Variants in MRE11 observed in about 807,000 individuals in gnomAD.
MRE11 encodes double-strand break repair protein MRE11.
MRE11 carries 62 observed loss-of-function variants against 91.7 expected under a neutral mutation model. The observed-to-expected ratio is 0.68, with a 90% CI of 0.55 to 0.84. The LOEUF (loss-of-function observed/expected upper bound fraction) is 0.84. Among genes scored for constraint, MRE11 ranks in the 40% least tolerant of loss-of-function variants. MRE11 has a pLI of 0.00. For missense variants in MRE11, 796 were observed against 852.9 expected (o/e 0.93, Z 0.83); for synonymous variants, 273 against 271.4 (o/e 1.01, Z -0.06).
At chr11:94,492,654 CTAA>C (rs762060788) in intron 2 of MRE11, 125 bp downstream of exon 2, 1 of 1,401,714 alleles carries the variant, frequency 7.1e-7, no homozygotes, top group East Asian at 2.3e-5. Flanking sequence ...TTTTTGATGA[CTAA>C]TATTTCTGTT....
rs1462176597 is a variant in MRE11 at position 94,447,446 on chromosome 11, G to A, written c.1564-8C>T. On this transcript the variant is annotated splice_polypyrimidine_tract_variant and splice_region_variant and intron_variant, in intron 14 of 19. Coordinates refer to ENST00000323929, the MANE Select transcript of MRE11 (RefSeq NM_005591.4). Reference sequence around the variant, plus strand: ...TCTGGCCCTGGTCATAGCCTAAGAGGGAGAAGAAGGAGAAAGTACACACAA... The same window carrying A: ...TCTGGCCCTGGTCATAGCCTAAGAGAGAGAAGAAGGAGAAAGTACACACAA... 2 of 1,612,370 alleles carry A rather than the reference G, an allele frequency of 1.2e-6. No homozygotes were observed. Among genetic ancestry groups the A allele is most frequent in the African/African-American group, 2.7e-5 (2 of 74,832 alleles).
chr11:94,431,567 A>G (rs1945462627), intron 18 of MRE11, among the ~76,000 whole-genome samples: 1 of 152,364 alleles, frequency 6.6e-6, no homozygotes, highest in Non-Finnish European at 1.5e-5. Context: ...GAAGTTAGTT[A>G]CCATACCAAG....
intron 7 of MRE11, among the ~76,000 whole-genome samples, chr11:94,472,703 T>A (rs989532501): frequency 1.4e-4 from 22 of 152,072 alleles, no homozygotes; most frequent in Admixed American, 1.4e-3. Flanking sequence ...TTTTAAAACA[T>A]GTATAAAATT....
In MRE11 at chr11:94,456,346, A is replaced by G. The variant is rs753131403; in HGVS notation, c.1501-8T>C. On this transcript the variant is annotated splice_polypyrimidine_tract_variant and splice_region_variant and intron_variant, in intron 13 of 19. Transcript: ENST00000323929. Reference sequence around the variant, plus strand: ...TTCTCTGAAACGACGTACCTAGATCATAACAGAGTAAATCACAAACATGTT... The same window carrying G: ...TTCTCTGAAACGACGTACCTAGATCGTAACAGAGTAAATCACAAACATGTT... 10 of 1,607,626 alleles carry G rather than the reference A, an allele frequency of 6.2e-6. No individual in the cohort carries two copies. The highest frequency in any genetic ancestry group is 3.3e-5 in the Admixed American group (2 of 59,934).
intron 17 of MRE11, 40 bp from the exon 18 acceptor site, chr11:94,435,939 T>C (rs532465877): frequency 3.4e-5 from 51 of 1,506,936 alleles, no homozygotes; most frequent in African/African-American, 1.9e-4. Context: ...TTTGTGAGAA[T>C]AGACTCTGAA....
the MRE11 span, chr11:94,499,238 G>A: frequency 5.2e-5 from 8 of 152,784 alleles, no homozygotes; most frequent in Non-Finnish European, 1.0e-4. Context: ...GGCGAATCAC[G>A]ATGACCTTGT....
At chr11:94,420,656 C>A (rs1248593310) in intron 19 of MRE11, among the ~76,000 whole-genome samples, 5 of 152,212 alleles carry the variant, frequency 3.3e-5, no homozygotes, top group African/African-American at 9.6e-5. Flanking sequence ...GCTACTCTCA[C>A]ACTTATGCAA....
intron 9 of MRE11, among the ~76,000 whole-genome samples, chr11:94,468,176 C>T (rs1014214732): frequency 1.3e-5 from 2 of 152,170 alleles, no homozygotes; most frequent in Non-Finnish European, 2.9e-5. Context: ...AGGCTTTCCT[C>T]AGCTTACCAA....
At chr11:94,493,212 G>T (rs1005056387) in intron 1 of MRE11, among the ~76,000 whole-genome samples, 2 of 152,090 alleles carry the variant, frequency 1.3e-5, no homozygotes, top group African/African-American at 4.8e-5. Flanking sequence ...TACGGTTCTG[G>T]TTCAACACAC....
intron 10 of MRE11, among the ~76,000 whole-genome samples, chr11:94,467,218 G>C (rs1187827235): frequency 6.6e-6 from 1 of 152,164 alleles, no homozygotes; most frequent in African/African-American, 2.4e-5. Flanking sequence ...TAGTGGTAAA[G>C]AAGAAGTCTG....
At chr11:94,503,885 G>A in the MRE11 span, among the ~76,000 whole-genome samples, 1 of 149,214 alleles carries the variant, frequency 6.7e-6, no homozygotes, top group Non-Finnish European at 1.5e-5. Context: ...AGACAGTGTA[G>A]TATTGGTGGA....
chr11:94,453,958 T>C (rs1482251419), intron 14 of MRE11, among the ~76,000 whole-genome samples: 1 of 152,096 alleles, frequency 6.6e-6, no homozygotes, highest in Non-Finnish European at 1.5e-5. Context: ...CACAAGAATA[T>C]GTGATAGAGA....
chr11:94,429,351 G>C (rs1945403518), intron 19 of MRE11, among the ~76,000 whole-genome samples: 1 of 152,128 alleles, frequency 6.6e-6, no homozygotes, highest in Non-Finnish European at 1.5e-5. Context: ...CAAAGGAAAA[G>C]AAATCATTCT....
chr11:94,493,560 A>T (rs565739510), intron 1 of MRE11: 1 of 152,072 alleles, frequency 6.6e-6, no homozygotes, highest in Admixed American at 6.5e-5. Context: ...TCGGAATCAG[A>T]ACGCTGAGCC....
At chr11:94,461,571 T>G (rs541082955) in intron 11 of MRE11, among the ~76,000 whole-genome samples, 2 of 152,334 alleles carry the variant, frequency 1.3e-5, no homozygotes, top group African/African-American at 4.8e-5. Flanking sequence ...AAGACAGGGA[T>G]GCCCTCTCTC....
upstream of MRE11, chr11:94,496,847 G>A: frequency 1.2e-6 from 2 of 1,613,770 alleles, no homozygotes; most frequent in Non-Finnish European, 1.7e-6. Flanking sequence ...TTCTGATGAA[G>A]ATGAGGAGCA....
chr11:94,505,117 C>T, the MRE11 span, among the ~76,000 whole-genome samples: 1 of 152,158 alleles, frequency 6.6e-6, no homozygotes. Context: ...ACGTACAGTA[C>T]ACAACACTGG....
At chr11:94,453,803 T>C (rs1018392906) in intron 14 of MRE11, among the ~76,000 whole-genome samples, 1 of 152,154 alleles carries the variant, frequency 6.6e-6, no homozygotes, top group Non-Finnish European at 1.5e-5. Flanking sequence ...TGGTATTATA[T>C]TTTGAAAGAG....
the MRE11 span, among the ~76,000 whole-genome samples, chr11:94,503,443 A>AT: frequency 1.7e-4 from 26 of 152,288 alleles, no homozygotes; most frequent in Admixed American, 2.6e-4. Flanking sequence ...ACCATCCAAC[A>AT]TTTTGGGAGG....
Sources: gnomAD v4.1 joint callset for allele counts (sites outside exome capture counted in the v4.1 genomes callset) on GRCh38, gnomAD v4.1.1 for gene constraint, MANE v1.5 for transcripts, NCBI Gene and HGNC (gene_info 2026-07-23, HGNC 2026-07-21) for gene names.